Variants in STK17B observed in about 807,000 individuals in gnomAD.
The protein encoded by STK17B is serine/threonine kinase 17b, also known as serine/threonine-protein kinase 17B.
STK17B carries 21 observed loss-of-function variants against 42.0 expected under a neutral mutation model. The observed-to-expected ratio is 0.50, with a 90% CI of 0.35 to 0.72. The LOEUF is 0.72. STK17B is among the 30% of genes least tolerant of loss of function. STK17B has a pLI of 0.00. For missense variants in STK17B, 349 were observed against 446.0 expected, an observed-to-expected ratio of 0.78 and a Z score of 1.96; for synonymous variants, 143 against 148.4, an observed-to-expected ratio of 0.96 and a Z score of 0.26.
intron 4 of STK17B, among the ~76,000 whole-genome samples, chr2:196,144,123 A>G (rs1391147762): frequency 2.6e-5 from 4 of 151,812 alleles, no homozygotes; most frequent in Non-Finnish European, 4.4e-5. Context: ...GGATCGTTTG[A>G]GCTCAGGAGT....
intron 1 of STK17B, among the ~76,000 whole-genome samples, chr2:196,169,068 A>AC (rs1699905157): frequency 2.7e-5 from 3 of 112,686 alleles, no homozygotes; most frequent in Non-Finnish European, 3.6e-5. Flanking sequence ...TAGGAATACT[A>AC]TTTTTTTTTT....
chr2:196,147,732 A>AT (rs1491345798), intron 3 of STK17B, among the ~76,000 whole-genome samples: 30 of 64,862 alleles, frequency 4.6e-4, no homozygotes, highest in East Asian at 3.0e-3. Flanking sequence ...ATGAGACATA[A>AT]TATATTTTTT....
At position 196,136,743 on chromosome 2, in the gene STK17B, A is replaced by G. The variant is rs1385221106; in HGVS notation, c.*704T>C. 6.6e-6 allele frequency: 1 copy of G among 152,212 alleles called. No individual in the cohort carries two copies. The highest frequency in any genetic ancestry group is 1.5e-5 in the Non-Finnish European group (1 of 68,042). 9.4% of individuals were successfully genotyped at this position (152,212 alleles called of 1,614,324 possible). ...ATCTTCCAGACCTTATCAGATCTCA[A>G]GTAGGTTGGGAGGAGGAAAAAGACA... On this transcript the variant is annotated 3_prime_UTR_variant, in exon 8 of 8. Transcript: ENST00000263955.
upstream of STK17B, among the ~76,000 whole-genome samples, chr2:196,174,928 AC>A (rs1699984517): frequency 1.3e-5 from 2 of 152,190 alleles, no homozygotes; most frequent in Non-Finnish European, 2.9e-5. Context: ...CCTCTCCAAA[AC>A]ATCCATGATC....
At chr2:196,153,448 G>C (rs1354255834) in intron 3 of STK17B, 1 of 152,164 alleles carries the variant, frequency 6.6e-6, no homozygotes, top group Non-Finnish European at 1.5e-5. Context: ...TGTAGTGGTG[G>C]ACTTGAATTG....
intron 3 of STK17B, among the ~76,000 whole-genome samples, chr2:196,152,012 A>C (rs1169033640): frequency 6.6e-6 from 1 of 152,240 alleles, no homozygotes; most frequent in Non-Finnish European, 1.5e-5. Context: ...GTAGAGGCAA[A>C]ACAAAACACA....
intron 2 of STK17B, 102 bp from the exon 3 acceptor site, chr2:196,156,753 A>T (rs1699745054): frequency 3.5e-6 from 3 of 853,836 alleles, no homozygotes; most frequent in Non-Finnish European, 5.5e-6. Flanking sequence ...AATTCTTTGA[A>T]ATATCTGTGT....
chr2:196,170,040 C>T (rs56175835), intron 1 of STK17B, among the ~76,000 whole-genome samples: 12,786 of 152,066 alleles, frequency 0.084, 1,466 homozygotes, highest in African/African-American at 0.26. Flanking sequence ...ACTTTTGCAC[C>T]GCTTCTATGG....
chr2:196,171,845 G>T (rs992128250), upstream of STK17B, among the ~76,000 whole-genome samples: 1 of 151,330 alleles, frequency 6.6e-6, no homozygotes, highest in Non-Finnish European at 1.5e-5. Flanking sequence ...AGGGGGCGGC[G>T]CTGCAGAGGG....
intron 3 of STK17B, among the ~76,000 whole-genome samples, chr2:196,147,734 A>ATTTT (rs200152797): frequency 6.9e-6 from 1 of 145,430 alleles, no homozygotes. Flanking sequence ...GAGACATAAT[A>ATTTT]TATTTTTTTT....
chr2:196,143,318 A>G (rs1699519297), intron 5 of STK17B, among the ~76,000 whole-genome samples: 1 of 152,190 alleles, frequency 6.6e-6, no homozygotes, highest in Non-Finnish European at 1.5e-5. Context: ...TCCTTTATAC[A>G]CAAACATTCA....
chr2:196,162,811 C>G (rs1260970937), intron 2 of STK17B, among the ~76,000 whole-genome samples: 1 of 151,954 alleles, frequency 6.6e-6, no homozygotes, highest in Admixed American at 6.6e-5. Flanking sequence ...ATCCCTTGAG[C>G]CCAGGAGACA....
At chr2:196,172,527 C>A (rs1388160050), upstream of STK17B, among the ~76,000 whole-genome samples, 11 of 152,168 alleles carry the variant, frequency 7.2e-5, no homozygotes, top group Non-Finnish European at 1.6e-4. Flanking sequence ...TTTCAAAAGA[C>A]TTAATGTTCA....
At chr2:196,148,455 T>C (rs1344027879) in intron 3 of STK17B, among the ~76,000 whole-genome samples, 6 of 152,124 alleles carry the variant, frequency 3.9e-5, no homozygotes, top group Admixed American at 3.3e-4. Context: ...TATTAGGTAA[T>C]AGTACTAATG....
rs1236750595 is a variant in STK17B at position 196,136,105 on chromosome 2, G to A, written c.*1342C>T. 1.3e-5 allele frequency: 2 copies of A among 152,204 alleles called. No homozygotes were observed. Among genetic ancestry groups the A allele is most frequent in the African/African-American group, 4.8e-5 (2 of 41,444 alleles). The allele number at this position is 152,204 out of a possible 1,614,324, so 9.4% of individuals were successfully genotyped here. On this transcript the variant is annotated 3_prime_UTR_variant, in exon 8 of 8. Transcript: ENST00000263955. The stretch of plus-strand genomic sequence containing the variant: ...AGGTCTAAAGGGGGAACATCAGGTT[G>A]TTGTTACCATTTGTCAAACTATTTC...
At chr2:196,152,583 C>T (rs772744032) in intron 3 of STK17B, among the ~76,000 whole-genome samples, 3 of 152,202 alleles carry the variant, frequency 2.0e-5, no homozygotes, top group African/African-American at 7.2e-5. Context: ...AAAGCAAGAT[C>T]CAACCATACA....
intron 3 of STK17B, among the ~76,000 whole-genome samples, chr2:196,149,829 G>C (rs1699639061): frequency 6.6e-6 from 1 of 152,214 alleles, no homozygotes; most frequent in South Asian, 2.1e-4. Context: ...CACAATGAAT[G>C]GGTGTTACTT....
At chr2:196,164,199 A>T (rs1699849485) in intron 1 of STK17B, among the ~76,000 whole-genome samples, 1 of 152,214 alleles carries the variant, frequency 6.6e-6, no homozygotes, top group South Asian at 2.1e-4. Context: ...TATATTACTG[A>T]CGTGAAGGAC....
chr2:196,172,668 A>G (rs1699962361), upstream of STK17B, among the ~76,000 whole-genome samples: 1 of 152,200 alleles, frequency 6.6e-6, no homozygotes, highest in Non-Finnish European at 1.5e-5. Flanking sequence ...CAGCCCTTTT[A>G]TGAAGTCTGT....
Sources: allele counts gnomAD v4.1 joint callset (sites outside exome capture counted in the v4.1 genomes callset), GRCh38; gene constraint gnomAD v4.1.1; transcripts MANE v1.5; gene names NCBI Gene and HGNC (gene_info 2026-07-23, HGNC 2026-07-21).